The following TLR4 variants were observed in gnomAD, a reference collection of about 807,000 sequenced individuals.
The protein encoded by TLR4 is toll like receptor 4.
A neutral mutation model predicts 27.4 loss-of-function variants in TLR4; 17 were observed. That is an observed-to-expected ratio of 0.62 (90% CI 0.42 to 0.93). The LOEUF (loss-of-function observed/expected upper bound fraction) is 0.93. Ranked by LOEUF, TLR4 falls within the 40% of genes least tolerant of loss-of-function variation. The pLI is 0.00. For synonymous variants in TLR4, 363 were observed against 365.7 expected (o/e 0.99, Z 0.08); for missense variants, 926 against 962.3 (o/e 0.96, Z 0.50).
rs1182765576 is a variant in TLR4, at chr9:117,713,085, T to C, written c.957T>C (p.Thr319=). The C allele has an allele frequency of 6.2e-7, 1 of 1,613,578 alleles. No individual in the cohort carries two copies. The highest frequency in any genetic ancestry group is 1.3e-5 in the African/African-American group (1 of 74,924). ...NVSSFSLVSV[T]IERVKDFSYN... Reference sequence around the variant, plus strand: ...CTTCATTTTCCCTGGTGAGTGTGACTATTGAAAGGGTAAAAGACTTTTCTT... The same window carrying C: ...CTTCATTTTCCCTGGTGAGTGTGACCATTGAAAGGGTAAAAGACTTTTCTT... Residue 319 remains threonine, a synonymous_variant, in exon 3 of 3, where the codon ACT becomes ACC. Coordinates refer to ENST00000355622, the MANE Select transcript of TLR4 (RefSeq NM_138554.5).
Position 117,716,936 on chromosome 9 carries a change from T to C in TLR4, c.*2288T>C, listed in dbSNP as rs1390694866. 6.6e-6 allele frequency: 1 copy of C among 152,224 alleles called. No individual in the cohort carries two copies. The highest frequency in any genetic ancestry group is 2.4e-5 in the African/African-American group (1 of 41,474). 9.4% of individuals were successfully genotyped at this position (152,224 alleles called of 1,614,324 possible). A position where few individuals can be genotyped will look rare whatever the true frequency, so the allele number is the denominator to read the frequency against. ...AATTCAGTTGTCAAAACTGGAAATATGACCACAGTCAGAAGTGTTTGTTAC... is the reference window on the plus strand; with the variant it reads ...AATTCAGTTGTCAAAACTGGAAATACGACCACAGTCAGAAGTGTTTGTTAC... On this transcript the variant is annotated 3_prime_UTR_variant, in exon 3 of 3. Coordinates refer to ENST00000355622, the MANE Select transcript of TLR4 (RefSeq NM_138554.5).
chr9:117,719,838 A>G lies in TLR4; in HGVS notation c.*5190A>G, dbSNP rs1236793149. The stretch of plus-strand genomic sequence containing the variant: ...TTTCAACTCAAAGTAAAATCTGTGG[A>G]GTAAATGGTCGATCAAAAGGAACCA... On this transcript the variant is annotated 3_prime_UTR_variant, in exon 3 of 3. Coordinates refer to ENST00000355622, the MANE Select transcript of TLR4 (RefSeq NM_138554.5). 6.6e-6 allele frequency: 1 copy of G among 152,170 alleles called. No homozygotes were observed. The highest frequency in any genetic ancestry group is 2.1e-4 in the South Asian group (1 of 4,830). 9.4% of individuals were successfully genotyped at this position (152,170 alleles called of 1,614,324 possible).
At chr9:117,710,371 A>C (rs907716896) in intron 2 of TLR4, among the ~76,000 whole-genome samples, 9 of 151,140 alleles carry the variant, frequency 6.0e-5, no homozygotes, top group African/African-American at 2.2e-4. Flanking sequence ...TACTAGCTGC[A>C]TCTATGCCAT....
chr9:117,708,838 T>C (rs1169937115), intron 2 of TLR4, 109 bp downstream of exon 2: 2 of 1,361,802 alleles, frequency 1.5e-6, no homozygotes, highest in African/African-American at 2.9e-5. Flanking sequence ...CATTCACTTA[T>C]TCATTCATAC....
Position 117,716,279 on chromosome 9 carries a change from C to T in TLR4, c.*1631C>T, listed in dbSNP as rs1352212763. ...CTCCCATGTTCATTGTGGCACTCTTCACAATCACTGTTTCCAAAGTTATGG... is the reference window on the plus strand; with the variant it reads ...CTCCCATGTTCATTGTGGCACTCTTTACAATCACTGTTTCCAAAGTTATGG... On this transcript the variant is annotated 3_prime_UTR_variant, in exon 3 of 3. Transcript: ENST00000355622. 2 of 152,170 alleles carry T rather than the reference C, an allele frequency of 1.3e-5. No homozygotes were observed. The highest frequency in any genetic ancestry group is 2.9e-5 in the Non-Finnish European group (2 of 68,030). 9.4% of individuals were successfully genotyped at this position (152,170 alleles called of 1,614,324 possible). A position where few individuals can be genotyped will look rare whatever the true frequency, so the allele number is the denominator to read the frequency against.
chr9:117,710,902 C>T (rs10983756), intron 2 of TLR4, among the ~76,000 whole-genome samples: 10,098 of 152,158 alleles, frequency 0.066, 373 homozygotes, highest in South Asian at 0.11. Context: ...TACTCTACTT[C>T]TCTAAAGTGA....
chr9:117,709,297 G>A (rs937961155), intron 2 of TLR4, among the ~76,000 whole-genome samples: 2 of 151,974 alleles, frequency 1.3e-5, no homozygotes, highest in African/African-American at 2.4e-5. Context: ...TTCAGAAGAG[G>A]GGCCTTCTCT....
chr9:117,720,369 T>G lies in TLR4; in HGVS notation c.*5721T>G, dbSNP rs949737418. The G allele has an allele frequency of 6.6e-6, 1 of 152,150 alleles. No homozygotes were observed. 9.4% of individuals were successfully genotyped at this position (152,150 alleles called of 1,614,324 possible). A position where few individuals can be genotyped will look rare whatever the true frequency, so the allele number is the denominator to read the frequency against. On this transcript the variant is annotated 3_prime_UTR_variant, in exon 3 of 3. Transcript: ENST00000355622. ...CCATGCCATCTAGAAATTAAAAGTT[T>G]AAAAGGCAGAGTCTGCAACTCTCCT... is the stretch of plus-strand genomic sequence containing the variant.
chr9:117,708,718 G>C lies in TLR4; in HGVS notation c.249G>C (p.Leu83=), dbSNP rs1477470093. 1.2e-6 allele frequency: 2 copies of C among 1,613,764 alleles called. No homozygotes were observed. ...TCAGTTTCCCAGAACTGCAGGTGCT[G>C]GATTTATCCAGGTAATGAATCCACT... ...SFFSFPELQV[L]DLSRCEIQTI... is the part of the protein sequence containing the mutation. Residue 83 remains leucine (L), a synonymous_variant, in exon 2 of 3, where the codon CTG becomes CTC. Transcript: ENST00000355622.
In TLR4 at chr9:117,716,079, A is replaced by G. The variant is rs1315615618; in HGVS notation, c.*1431A>G. 2 of 152,190 alleles carry G rather than the reference A, an allele frequency of 1.3e-5. No individual in the cohort carries two copies. Among genetic ancestry groups the G allele is most frequent in the African/African-American group, 4.8e-5 (2 of 41,446 alleles). The allele number at this position is 152,190 out of a possible 1,614,324, so 9.4% of individuals were successfully genotyped here. A position where few individuals can be genotyped will look rare whatever the true frequency, so the allele number is the denominator to read the frequency against. On this transcript the variant is annotated 3_prime_UTR_variant, in exon 3 of 3. Transcript: ENST00000355622. ...AAATGAAGTGTCATCAAGGATATAG[A>G]GAAATTGGAACCCTTCTTCACTGCT...
In TLR4 at chr9:117,714,342, C is replaced by T; in HGVS notation, c.2214C>T (p.Ser738=). The change falls in exon 3 of 3, where the codon TCC becomes TCT. Residue 738 remains serine, a synonymous_variant. Transcript: ENST00000355622. ...HKSRKVIVVV[S]QHFIQSRWCI... ...GCCGAAAGGTGATTGTTGTGGTGTCCCAGCACTTCATCCAGAGCCGCTGGT... is the reference window on the plus strand; with the variant it reads ...GCCGAAAGGTGATTGTTGTGGTGTCTCAGCACTTCATCCAGAGCCGCTGGT... 6.2e-7 allele frequency: 1 copy of T among 1,600,790 alleles called. No individual in the cohort carries two copies. Among genetic ancestry groups the T allele is most frequent in the Admixed American group, 1.7e-5 (1 of 59,778 alleles).
At chr9:117,708,355 T>C in intron 1 of TLR4, 3 of 1,386,504 alleles carry the variant, frequency 2.2e-6, no homozygotes, top group Non-Finnish European at 2.8e-6. Flanking sequence ...GCTCTTTACT[T>C]TCTAATCTAG....
At chr9:117,712,090 A>G (rs375880888) in intron 2 of TLR4, among the ~76,000 whole-genome samples, 68 of 152,270 alleles carry the variant, frequency 4.5e-4, no homozygotes, top group African/African-American at 1.6e-3. Flanking sequence ...CAATCTTTAT[A>G]TATGTCAATT....
At position 117,714,459 on chromosome 9, in the gene TLR4, C is replaced by A; in HGVS notation, c.2331C>A (p.Thr777=). Residue 777 remains threonine (T), a synonymous_variant, in exon 3 of 3, where the codon ACC becomes ACA. Transcript: ENST00000355622. ...IFIVLQKVEK[T]LLRQQVELYR... ...TTGTCCTGCAGAAGGTGGAGAAGAC[C>A]CTGCTCAGGCAGCAGGTGGAGCTGT... 1 of 1,613,760 alleles carries A rather than the reference C, an allele frequency of 6.2e-7. No individual in the cohort carries two copies. Among genetic ancestry groups the A allele is most frequent in the Non-Finnish European group, 8.5e-7 (1 of 1,180,012 alleles).
intron 2 of TLR4, among the ~76,000 whole-genome samples, chr9:117,710,881 C>A (rs886193389): frequency 6.6e-5 from 10 of 152,208 alleles, no homozygotes; most frequent in Non-Finnish European, 1.2e-4. Context: ...TAAATGTTTT[C>A]TTTGTCTTAA....
In TLR4 at chr9:117,717,090, A is replaced by G. The variant is rs200313459; in HGVS notation, c.*2442A>G. On this transcript the variant is annotated 3_prime_UTR_variant, in exon 3 of 3. Transcript: ENST00000355622. ...TGTGCACATATCCCTATGTATCCCT[A>G]TCAGGGCTGTGTGTATTTGAAAGTG... The G allele has an allele frequency of 9.9e-5, 15 of 152,282 alleles. No individual in the cohort carries two copies. The highest frequency in any genetic ancestry group is 3.1e-4 in the African/African-American group (13 of 41,566). The allele number at this position is 152,282 out of a possible 1,614,324, so 9.4% of individuals were successfully genotyped here.
Position 117,713,713 on chromosome 9 carries a change from C to G in TLR4, c.1585C>G (p.His529Asp). Residue 529 changes from histidine (H) to aspartate (D), a missense_variant, in exon 3 of 3, where the codon CAC becomes GAC. By Grantham distance (81) the His-to-Asp change is moderately conservative. Coordinates refer to ENST00000355622, the MANE Select transcript of TLR4 (RefSeq NM_138554.5). ...CAGTCTTCAGGTACTAAATATGAGCCACAACAACTTCTTTTCATTGGATAC... is the reference window on the plus strand; with the variant it reads ...CAGTCTTCAGGTACTAAATATGAGCGACAACAACTTCTTTTCATTGGATAC... ...LSSLQVLNMS[H>D]NNFFSLDTFP... is the part of the protein sequence containing the mutation. 6.2e-7 allele frequency: 1 copy of G among 1,613,934 alleles called. No individual in the cohort carries two copies. The highest frequency in any genetic ancestry group is 8.5e-7 in the Non-Finnish European group (1 of 1,180,014).
chr9:117,715,807 A>G lies in TLR4; in HGVS notation c.*1159A>G, dbSNP rs1160086641. On this transcript the variant is annotated 3_prime_UTR_variant, in exon 3 of 3. Transcript: ENST00000355622. Reference sequence around the variant, plus strand: ...AAGGTATTCAAGGCAGGGAGTATACATTGCTGTTTCCTGTTGGGCAATGCT... The same window carrying G: ...AAGGTATTCAAGGCAGGGAGTATACGTTGCTGTTTCCTGTTGGGCAATGCT... The G allele has an allele frequency of 6.6e-6, 1 of 152,192 alleles. No homozygotes were observed. The highest frequency in any genetic ancestry group is 1.5e-5 in the Non-Finnish European group (1 of 68,038). The allele number at this position is 152,192 out of a possible 1,614,324, so 9.4% of individuals were successfully genotyped here.
chr9:117,708,873 A>G (rs1424720870), intron 2 of TLR4, 144 bp downstream of exon 2: 1 of 1,051,504 alleles, frequency 9.5e-7, no homozygotes, highest in South Asian at 1.5e-5. Flanking sequence ...TAACTATATA[A>G]CCTTGAGCAA....
Sources: allele counts gnomAD v4.1 joint callset (sites outside exome capture counted in the v4.1 genomes callset), GRCh38; gene constraint gnomAD v4.1.1; transcripts MANE v1.5; gene names NCBI Gene and HGNC (gene_info 2026-07-23, HGNC 2026-07-21).